The following MYOF variants were observed in gnomAD, a reference collection of about 807,000 sequenced individuals.
MYOF encodes the protein fer-1-like 3, myoferlin.
A neutral mutation model predicts 284.2 loss-of-function variants in MYOF; 244 were observed. The ratio of observed to expected loss-of-function variants is 0.86; its 90% CI spans 0.77 to 0.95. MYOF has a LOEUF of 0.95. MYOF is among the 40% of genes least tolerant of loss of function. The probability of loss-of-function intolerance (pLI) is 0.00; values close to 1 mark genes in which losing one functional copy is unlikely to be tolerated. For synonymous variants in MYOF, 904 were observed against 919.7 expected (o/e 0.98, Z 0.31); for missense variants, 2,496 against 2,560.6 (o/e 0.97, Z 0.54).
chr10:93,316,751 T>C lies in MYOF; in HGVS notation c.5661A>G (p.Ile1887Met), dbSNP rs756083422. The C allele has an allele frequency of 8.0e-5, 129 of 1,613,916 alleles. No individual in the cohort carries two copies. The highest frequency in any genetic ancestry group is 3.3e-4 in the Middle Eastern group (2 of 6,082). ...CCAGAGAAAACTTGTCATTGTCCCA[T>C]ATCTGAATGATCAGCCTGGGTGGGA... ...FRIPPRLIIQ[I>M]WDNDKFSLDD... is the part of the protein sequence containing the mutation. Residue 1887 changes from isoleucine to methionine, a missense_variant, in exon 50 of 54, where the codon ATA becomes ATG. Physicochemically the swap from Ile to Met is conservative, Grantham distance 10. Coordinates refer to ENST00000359263, the MANE Select transcript of MYOF (RefSeq NM_013451.4).
At chr10:93,415,033 C>G (rs755704584) in intron 5 of MYOF, among the ~76,000 whole-genome samples, 1 of 152,184 alleles carries the variant, frequency 6.6e-6, no homozygotes, top group East Asian at 1.9e-4. Flanking sequence ...CGTGAGCCAC[C>G]GCGCCTGGCT....
intron 51 of MYOF, 122 bp from the exon 52 acceptor site, chr10:93,310,765 T>C (rs1226074409): frequency 1.1e-6 from 1 of 878,598 alleles, no homozygotes; most frequent in African/African-American, 1.7e-5. Flanking sequence ...TTAGATTGCC[T>C]TCAGTTTTCC....
At chr10:93,333,040 C>G in intron 43 of MYOF, among the ~76,000 whole-genome samples, 181 bp downstream of exon 43, 1 of 152,300 alleles carries the variant, frequency 6.6e-6, no homozygotes, top group East Asian at 1.9e-4. Context: ...AGCTTCTTCA[C>G]TTCTGTGAAG....
At chr10:93,439,715 C>T (rs1231351848) in intron 3 of MYOF, among the ~76,000 whole-genome samples, 1 of 152,188 alleles carries the variant, frequency 6.6e-6, no homozygotes, top group African/African-American at 2.4e-5. Context: ...ATGGCAAGTG[C>T]TTAACAGTCA....
At chr10:93,311,807 A>G (rs1318583842) in intron 51 of MYOF, among the ~76,000 whole-genome samples, 1 of 152,160 alleles carries the variant, frequency 6.6e-6, no homozygotes, top group African/African-American at 2.4e-5. Context: ...CCATCTCTCC[A>G]AGACTGTTTT....
In MYOF at chr10:93,335,936, C is replaced by T. The variant is rs773701519; in HGVS notation, c.4548G>A (p.Val1516=). ...GKSDENEDPS[V]VGEFKGSFRI... is the part of the protein sequence containing the mutation. ...TCTTACTCACCTTAAACTCTCCAAC[C>T]ACAGAAGGATCTTCATTTTCATCCG... is the stretch of plus-strand genomic sequence containing the variant. Residue 1516 remains valine, a synonymous_variant, in exon 41 of 54, where the codon GTG becomes GTA. Transcript: ENST00000359263. 2 of 1,614,114 alleles carry T rather than the reference C, an allele frequency of 1.2e-6. No homozygotes were observed. Among genetic ancestry groups the T allele is most frequent in the Admixed American group, 1.7e-5 (1 of 60,010 alleles).
At chr10:93,368,560 T>A (rs926700500) in intron 25 of MYOF, among the ~76,000 whole-genome samples, 2 of 152,006 alleles carry the variant, frequency 1.3e-5, no homozygotes, top group Admixed American at 6.5e-5. Context: ...CCCTAAAAGC[T>A]CCGATGGACA....
rs780933534 is a variant in MYOF, at chr10:93,408,870, T to C, written c.646A>G (p.Ile216Val). Reference sequence around the variant, plus strand: ...ACGTGAACTTTGACCACAGGCCTTATGTTGTTACCACTTAACTGTCGGCCC... The same window carrying C: ...ACGTGAACTTTGACCACAGGCCTTACGTTGTTACCACTTAACTGTCGGCCC... Reference protein sequence around the residue: ...IEGRQLSGNNIRPVVKVHVCG... With the variant: ...IEGRQLSGNNVRPVVKVHVCG... The change falls in exon 7 of 54, where the codon ATA (isoleucine) becomes GTA (valine). Residue 216 changes from isoleucine (I) to valine (V), a missense_variant. Coordinates refer to ENST00000359263, the MANE Select transcript of MYOF (RefSeq NM_013451.4). 2.5e-5 allele frequency: 41 copies of C among 1,614,124 alleles called. No individual in the cohort carries two copies. Among genetic ancestry groups the C allele is most frequent in the Non-Finnish European group, 3.0e-5 (35 of 1,180,044 alleles).
intron 38 of MYOF, among the ~76,000 whole-genome samples, chr10:93,340,775 A>C (rs1296689373): frequency 6.6e-6 from 1 of 151,756 alleles, no homozygotes; most frequent in Admixed American, 6.6e-5. Flanking sequence ...TTTTTAATGG[A>C]GAACCCACCC....
At chr10:93,474,308 A>G (rs1217410850) in intron 1 of MYOF, among the ~76,000 whole-genome samples, 3 of 152,088 alleles carry the variant, frequency 2.0e-5, no homozygotes, top group Non-Finnish European at 4.4e-5. Flanking sequence ...AGTAAAGTTC[A>G]ATCCCTATTC....
intron 1 of MYOF, among the ~76,000 whole-genome samples, chr10:93,465,616 G>A (rs764923620): frequency 7.4e-6 from 1 of 134,542 alleles, no homozygotes; most frequent in Non-Finnish European, 1.5e-5. Flanking sequence ...CTGGATTCAA[G>A]CCATTCACCT....
In MYOF at chr10:93,342,429, AAC is replaced by A. The variant is rs1843965543; in HGVS notation, c.4326+1425_4326+1426del. Among the ~76,000 whole-genome samples the A allele has an allele frequency of 2.0e-5, 3 of 152,328 alleles. No homozygotes were observed. In the South Asian group the frequency reaches 6.2e-4, roughly 32 times the overall value. On this transcript the variant is annotated intron_variant, in intron 38 of 53. Transcript: ENST00000359263. ...GAGATTTCAACCAGCCTTTCTTATC[AAC>A]ACAGTGTACCTCAATTAGATGTTAG...
At chr10:93,414,013 G>C (rs1283119069) in intron 5 of MYOF, among the ~76,000 whole-genome samples, 1 of 152,022 alleles carries the variant, frequency 6.6e-6, no homozygotes, top group African/African-American at 2.4e-5. Flanking sequence ...AAAAAGAAAA[G>C]AAAAGAAAGA....
Position 93,394,768 on chromosome 10 carries a change from G to A in MYOF, c.1417+1374C>T, listed in dbSNP as rs185977560. On this transcript the variant is annotated intron_variant, in intron 16 of 53. Transcript: ENST00000359263. ...AGCCACTGGGCCCGGCCACCACCTC[G>A]TCTTCTGATTGCTTTTTTTTTTCAC... is the stretch of plus-strand genomic sequence containing the variant. 3.2e-3 allele frequency among the ~76,000 whole-genome samples: 472 copies of A among 145,784 alleles called. 7 individuals carry two copies. The highest frequency in any genetic ancestry group is 0.024 in the Admixed American group (351 of 14,838).
intron 1 of MYOF, among the ~76,000 whole-genome samples, chr10:93,460,602 T>C (rs759988304): frequency 5.3e-4 from 80 of 150,812 alleles, no homozygotes; most frequent in Non-Finnish European, 8.6e-4. Flanking sequence ...CCGTCTCTAC[T>C]AAAATACAAA....
chr10:93,318,917 C>T (rs1315431055), intron 49 of MYOF, among the ~76,000 whole-genome samples: 1 of 152,068 alleles, frequency 6.6e-6, no homozygotes, highest in African/African-American at 2.4e-5. Context: ...GAACAGGGCA[C>T]CTATAGAAGA....
Position 93,323,162 on chromosome 10 carries a change from C to T in MYOF, c.5372G>A (p.Arg1791His), listed in dbSNP as rs375863813. 9.9e-6 allele frequency: 16 copies of T among 1,614,100 alleles called. No homozygotes were observed. In the East Asian group the frequency reaches 1.6e-4, roughly 16 times the overall value. The change falls in exon 48 of 54, where the codon CGT becomes CAT. Residue 1791 changes from arginine (R) to histidine (H), a missense_variant. Arg to His is a conservative substitution (Grantham distance 29, BLOSUM62 0). Around this residue, in one of 3 missense-constraint regions of MYOF, gnomAD observed 2,436 missense variants for 2,480.7 expected, o/e 0.98. Coordinates refer to ENST00000359263, the MANE Select transcript of MYOF (RefSeq NM_013451.4). ...TPRKAKKYYL[R>H]VIIWNTKDVI... ...GTCCTTGGTGTTCCAGATGATCACACGCAGGTAGTATCTGCAAGAAGCACA... is the reference window on the plus strand; with the variant it reads ...GTCCTTGGTGTTCCAGATGATCACATGCAGGTAGTATCTGCAAGAAGCACA...
Position 93,442,927 on chromosome 10 carries a change from G to A in MYOF, c.236+9123C>T, listed in dbSNP as rs75506868. Among the ~76,000 whole-genome samples the A allele has an allele frequency of 0.061, 9,275 of 152,232 alleles. 1,262 individuals are homozygous for A. The East Asian group carries it at 0.64, about 10-fold the overall frequency. ...TAATCCCAGTACTTTGGGAGGCCGA[G>A]GGGGGCGGGTCACATGAGGCCAGGA... On this transcript the variant is annotated intron_variant, in intron 3 of 53. Transcript: ENST00000359263.
chr10:93,403,011 C>T, intron 9 of MYOF, 121 bp from the exon 10 acceptor site: 1 of 839,488 alleles, frequency 1.2e-6, no homozygotes, highest in Non-Finnish European at 1.9e-6. Context: ...CCTTGAGACC[C>T]AACATTTCCG....
Sources: gnomAD v4.1 joint callset for allele counts (sites outside exome capture counted in the v4.1 genomes callset) on GRCh38, gnomAD v4.1.1 for gene constraint, gnomAD v4.1.1 regional missense constraint, MANE v1.5 for transcripts, NCBI Gene and HGNC (gene_info 2026-07-23, HGNC 2026-07-21) for gene names.